CTPS1: variants seen among roughly 807,000 people sequenced by gnomAD.
The protein encoded by CTPS1 is CTP synthase 1.
Under a neutral mutation model 80.5 loss-of-function variants are expected in CTPS1, and 25 were observed. The ratio of observed to expected loss-of-function variants is 0.31; its 90% confidence interval spans 0.23 to 0.43. CTPS1 has a LOEUF of 0.43. Among genes scored for constraint, CTPS1 ranks in the 20% least tolerant of loss-of-function variants. The probability of loss-of-function intolerance (pLI) is 1.00; values close to 1 mark genes in which losing one functional copy is unlikely to be tolerated. For synonymous variants in CTPS1, 267 were observed against 252.5 expected, an observed-to-expected ratio of 1.06 and a Z score of -0.54; for missense variants, 442 against 725.7, an observed-to-expected ratio of 0.61 and a Z score of 4.49.
chr1:40,996,214 G>C, intron 8 of CTPS1, 146 bp downstream of exon 8: 1 of 877,246 alleles, frequency 1.1e-6, no homozygotes, highest in Non-Finnish European at 1.8e-6. Context: ...GAGATGTTCA[G>C]AAAGGATCTT....
chr1:40,985,764 T>C (rs4430318), intron 3 of CTPS1, among the ~76,000 whole-genome samples: 27,580 of 152,040 alleles, frequency 0.18, 2,603 homozygotes, highest in Middle Eastern at 0.29. Flanking sequence ...TCTGGGCTAA[T>C]TGGGTCATGT....
intron 5 of CTPS1, among the ~76,000 whole-genome samples, chr1:40,989,093 T>G (rs1015768747): frequency 6.6e-6 from 1 of 152,222 alleles, no homozygotes; most frequent in South Asian, 2.1e-4. Context: ...TGCCGGATCT[T>G]AAGCCCGCAG....
chr1:41,007,833 C>T lies in CTPS1; in HGVS notation c.1393+288C>T, dbSNP rs1237632021. Among the ~76,000 whole-genome samples, 1 of 152,178 alleles carries T rather than the reference C, an allele frequency of 6.6e-6. No homozygotes were observed. Among genetic ancestry groups the T allele is most frequent in the Non-Finnish European group, 1.5e-5 (1 of 68,044 alleles). ...ACATTCATCCTTATCGGTTACTTTCCTATTAAGACCAGCCATATCAATTGC... is the reference window on the plus strand; with the variant it reads ...ACATTCATCCTTATCGGTTACTTTCTTATTAAGACCAGCCATATCAATTGC... On this transcript the variant is annotated intron_variant, in intron 14 of 18. Coordinates refer to ENST00000650070, the MANE Select transcript of CTPS1 (RefSeq NM_001905.4). This position sits in a 1 kb window ranked among gnomAD's most constrained non-coding sequence, Gnocchi z 4.4.
intron 17 of CTPS1, 73 bp from the exon 18 acceptor site, chr1:41,010,088 C>T (rs973290623): frequency 9.3e-6 from 9 of 968,624 alleles, no homozygotes; most frequent in Admixed American, 3.8e-5. Flanking sequence ...CTGTAGGAAC[C>T]GTGGTTACAA....
At chr1:40,991,866 C>T in intron 7 of CTPS1, 21 bp downstream of exon 7, 1 of 1,591,424 alleles carries the variant, frequency 6.3e-7, no homozygotes, top group Non-Finnish European at 8.6e-7. Context: ...ATTCCCATCT[C>T]TAATAAGTTG....
intron 1 of CTPS1, chr1:40,980,751 C>T (rs1227088273): frequency 6.6e-6 from 1 of 152,276 alleles, no homozygotes; most frequent in African/African-American, 2.4e-5. Flanking sequence ...CTTCCGTCAC[C>T]TTCAGGATTA....
intron 9 of CTPS1, among the ~76,000 whole-genome samples, chr1:40,998,733 A>G (rs1489069208): frequency 6.6e-6 from 1 of 152,122 alleles, no homozygotes; most frequent in East Asian, 1.9e-4. Context: ...GGTCAGAGGT[A>G]AAGTTGGGGC....
intron 18 of CTPS1, among the ~76,000 whole-genome samples, chr1:41,011,111 C>T (rs113842518): frequency 0.059 from 9,011 of 152,300 alleles, 356 homozygotes; most frequent in South Asian, 0.12. Flanking sequence ...GCCGGTCTGA[C>T]CTGCTGATCC....
intron 1 of CTPS1, among the ~76,000 whole-genome samples, chr1:40,982,246 CTCTT>C (rs1164242462): frequency 6.6e-6 from 1 of 152,148 alleles, no homozygotes; most frequent in Non-Finnish European, 1.5e-5. Flanking sequence ...CATCTCCCCT[CTCTT>C]TGAGTCCTCT....
intron 1 of CTPS1, chr1:40,980,057 C>T (rs548191694): frequency 6.6e-6 from 1 of 151,246 alleles, no homozygotes; most frequent in Admixed American, 6.6e-5. Context: ...GGCCTCGTGG[C>T]CGGGCGGCGC....
At chr1:40,987,972 C>T (rs534351114) in intron 4 of CTPS1, among the ~76,000 whole-genome samples, 1 of 152,174 alleles carries the variant, frequency 6.6e-6, no homozygotes, top group East Asian at 1.9e-4. Flanking sequence ...GAGTCCAGTG[C>T]AGCAGTCATG....
chr1:41,002,971 G>GTACT (rs2148413602), intron 11 of CTPS1, 143 bp from the exon 12 acceptor site: 1 of 727,902 alleles, frequency 1.4e-6, no homozygotes, highest in Non-Finnish European at 2.4e-6. Flanking sequence ...ACAGCAGAGA[G>GTACT]TACTTGTTCA....
At chr1:40,990,882 G>A (rs1642589501) in intron 5 of CTPS1, among the ~76,000 whole-genome samples, 1 of 152,170 alleles carries the variant, frequency 6.6e-6, no homozygotes, top group Non-Finnish European at 1.5e-5. Context: ...AAGTAAATGT[G>A]GAGAAGTAGC....
Position 41,010,242 on chromosome 1 carries a change from C to A in CTPS1, c.1773C>A (p.Asp591Glu). The change falls in exon 18 of 19, where the codon GAC becomes GAA. Residue 591 changes from aspartate (D) to glutamate (E), a missense_variant. Coordinates refer to ENST00000650070, the MANE Select transcript of CTPS1 (RefSeq NM_001905.4). ...TGAAGTTTCCATCAATAAATCATGA[C>A]TGATCTTGTAGCGTAAGTGGTACTT... Reference protein sequence around the residue: ...TELKFPSINHD With the variant: ...TELKFPSINHE The A allele has an allele frequency of 6.2e-7, 1 of 1,611,136 alleles. No individual in the cohort carries two copies. Among genetic ancestry groups the A allele is most frequent in the Non-Finnish European group, 8.5e-7 (1 of 1,177,294 alleles).
intron 2 of CTPS1, among the ~76,000 whole-genome samples, chr1:40,983,914 C>T (rs1204438116): frequency 2.0e-5 from 3 of 152,192 alleles, no homozygotes; most frequent in East Asian, 3.8e-4. Context: ...CTGCCTTTTA[C>T]TTCTTTGTTG....
chr1:40,997,626 A>G, intron 9 of CTPS1, 100 bp downstream of exon 9: 1 of 1,390,478 alleles, frequency 7.2e-7, no homozygotes, highest in African/African-American at 1.5e-5. Flanking sequence ...GGAGCTCAGA[A>G]TTACTTTTTA....
Position 41,012,169 on chromosome 1 carries a change from G to A in CTPS1, c.*521G>A, listed in dbSNP as rs1428258643. On this transcript the variant is annotated 3_prime_UTR_variant, in exon 19 of 19. Transcript: ENST00000650070. ...TGCCCTGAGTTGGGGGGAATTCTCA[G>A]TGCCAACTGTGGCTGGTCCTCATTC... 6.6e-6 allele frequency: 1 copy of A among 152,164 alleles called. No individual in the cohort carries two copies. The highest frequency in any genetic ancestry group is 1.5e-5 in the Non-Finnish European group (1 of 68,040). The allele number at this position is 152,164 out of a possible 1,614,324, so 9.4% of individuals were successfully genotyped here.
intron 14 of CTPS1, 113 bp from the exon 15 acceptor site, chr1:41,008,546 C>T: frequency 8.7e-7 from 1 of 1,145,158 alleles, no homozygotes; most frequent in Non-Finnish European, 1.3e-6. Flanking sequence ...AAATAGCCCT[C>T]AAAAGACCTG....
chr1:40,991,323 A>G, intron 6 of CTPS1, 75 bp downstream of exon 6: 3 of 1,164,412 alleles, frequency 2.6e-6, no homozygotes, highest in Non-Finnish European at 3.7e-6. Flanking sequence ...GACAGACAAG[A>G]CCTTTGTCTT....
Sources: gnomAD v4.1 joint callset for allele counts (sites outside exome capture counted in the v4.1 genomes callset) on GRCh38, gnomAD v4.1.1 for gene constraint, Gnocchi (gnomAD v3.1) non-coding constraint, MANE v1.5 for transcripts, NCBI Gene and HGNC (gene_info 2026-07-23, HGNC 2026-07-21) for gene names.